The following HMCN1 variants were observed in gnomAD, a reference collection of about 807,000 sequenced individuals.
The protein encoded by HMCN1 is hemicentin-1.
HMCN1 carries 321 observed loss-of-function variants against 625.9 expected under a neutral mutation model. The observed-to-expected ratio is 0.51, with a 90% CI of 0.47 to 0.56. HMCN1 has a LOEUF of 0.56. HMCN1 is among the 20% of genes least tolerant of loss of function. The pLI, the probability that HMCN1 is intolerant of heterozygous loss-of-function variation, is 0.00. For missense variants in HMCN1, 6,588 were observed against 6,887.3 expected (o/e 0.96, Z 1.54); for synonymous variants, 2,425 against 2,417.6 (o/e 1.00, Z -0.09).
Position 186,067,969 on chromosome 1 carries a change from C to A in HMCN1, c.7841C>A (p.Thr2614Asn). 1 of 1,613,718 alleles carries A rather than the reference C, an allele frequency of 6.2e-7. No individual in the cohort carries two copies. Among genetic ancestry groups the A allele is most frequent in the Non-Finnish European group, 8.5e-7 (1 of 1,179,664 alleles). The stretch of plus-strand genomic sequence containing the variant: ...ACCATCACCTGGTTTAAGGATGGCA[C>A]TCCTTTAGAATCTAACCGAAATATT... ...PATITWFKDG[T>N]PLESNRNIRI... The change falls in exon 50 of 107, where the codon ACT becomes AAT. Residue 2614 changes from threonine (T) to asparagine (N), a missense_variant. Thr to Asn is a moderately conservative substitution (Grantham distance 65). Transcript: ENST00000271588.
chr1:185,840,024 T>A (rs1296318671), intron 1 of HMCN1, among the ~76,000 whole-genome samples: 1 of 152,180 alleles, frequency 6.6e-6, no homozygotes, highest in African/African-American at 2.4e-5. Flanking sequence ...TTACCTGTTC[T>A]AATATGAATA....
intron 86 of HMCN1, among the ~76,000 whole-genome samples, chr1:186,133,463 A>G (rs1253968081): frequency 1.3e-5 from 2 of 152,322 alleles, no homozygotes; most frequent in East Asian, 3.9e-4. Context: ...CAGAGCATCC[A>G]TAATTGGATA....
chr1:186,097,519 G>A (rs1412991482), intron 68 of HMCN1, among the ~76,000 whole-genome samples: 1 of 151,408 alleles, frequency 6.6e-6, no homozygotes, highest in Non-Finnish European at 1.5e-5. Context: ...AAAAAGATAT[G>A]TAAGAATAAA....
At chr1:185,833,667 A>G (rs544582638) in intron 1 of HMCN1, among the ~76,000 whole-genome samples, 1 of 152,282 alleles carries the variant, frequency 6.6e-6, no homozygotes, top group South Asian at 2.1e-4. Flanking sequence ...ATTAGAGACA[A>G]TATATGAATG....
chr1:185,969,879 A>G (rs984021372), intron 14 of HMCN1, among the ~76,000 whole-genome samples: 1 of 152,164 alleles, frequency 6.6e-6, no homozygotes. Context: ...CTTTGTTGAG[A>G]CATCTTCTGC....
chr1:185,822,410 C>G (rs778893262), intron 1 of HMCN1, among the ~76,000 whole-genome samples: 2 of 152,062 alleles, frequency 1.3e-5, no homozygotes, highest in Non-Finnish European at 2.9e-5. Context: ...TTTATGTTCT[C>G]CATCTTTCCA....
intron 46 of HMCN1, among the ~76,000 whole-genome samples, chr1:186,058,018 C>G (rs1315651079): frequency 1.3e-5 from 2 of 151,882 alleles, no homozygotes; most frequent in African/African-American, 4.8e-5. Context: ...ATAATCTTGC[C>G]AAGTTTTTGG....
chr1:186,053,229 G>A (rs1485133613), intron 43 of HMCN1, among the ~76,000 whole-genome samples, 155 bp downstream of exon 43: 1 of 152,062 alleles, frequency 6.6e-6, no homozygotes, highest in African/African-American at 2.4e-5. Context: ...TGTGCAACAT[G>A]TGATACTTCT....
rs751919205 is a variant in HMCN1, at chr1:186,187,997, A to T, written c.16529A>T (p.Asp5510Val). 2.1e-5 allele frequency: 34 copies of T among 1,613,704 alleles called. No individual in the cohort carries two copies. Among genetic ancestry groups the T allele is most frequent in the African/African-American group, 2.7e-5 (2 of 74,894 alleles). Residue 5510 changes from aspartate to valine, a missense_variant, in exon 106 of 107, where the codon GAT becomes GTT. Asp to Val is a radical substitution (Grantham distance 152). This residue lies in a region of HMCN1 where 1,954 missense variants were observed against 2,013.1 expected (regional missense o/e 0.97). Coordinates refer to ENST00000271588, the MANE Select transcript of HMCN1 (RefSeq NM_031935.3). ...CCCTGTCCACCCAACTACCAACGGGATCCTGTTTCAGGGTATGTCTTGCCT... is the reference window on the plus strand; with the variant it reads ...CCCTGTCCACCCAACTACCAACGGGTTCCTGTTTCAGGGTATGTCTTGCCT... ...DTPCPPNYQR[D>V]PVSGFCLKNC... is the part of the protein sequence containing the mutation.
chr1:186,068,799 G>A (rs901239273), intron 50 of HMCN1, among the ~76,000 whole-genome samples: 9 of 151,552 alleles, frequency 5.9e-5, no homozygotes, highest in Non-Finnish European at 1.3e-4. Context: ...AACCTAGGAG[G>A]CGGAGGTTGC....
chr1:185,748,332 C>T (rs1181953655), intron 1 of HMCN1, among the ~76,000 whole-genome samples: 2 of 152,018 alleles, frequency 1.3e-5, no homozygotes, highest in Non-Finnish European at 2.9e-5. Context: ...TACACTTTTG[C>T]CTTGAAGTTG....
intron 1 of HMCN1, among the ~76,000 whole-genome samples, chr1:185,758,111 G>A (rs912882508): frequency 5.3e-5 from 8 of 152,144 alleles, no homozygotes; most frequent in Non-Finnish European, 8.8e-5. Flanking sequence ...CTTGGCAATC[G>A]TGTCATTTGG....
Position 186,039,731 on chromosome 1 carries a change from C to A in HMCN1, c.6032C>A (p.Ala2011Asp), listed in dbSNP as rs755419853. ...ELFYSLQVHV[A>D]PSISGSNNMV... ...TACTTTCATTTGTTTTTTTCAGTGG[C>A]CCCATCAATTTCTGGCAGCAATAAC... Residue 2011 changes from alanine (A) to aspartate (D), a missense_variant, in exon 39 of 107, where the codon GCC becomes GAC. This residue lies in a region of HMCN1 where 4,628 missense variants were observed against 4,853.1 expected (regional missense o/e 0.95). Transcript: ENST00000271588. 2 of 1,613,148 alleles carry A rather than the reference C, an allele frequency of 1.2e-6. No individual in the cohort carries two copies. Among genetic ancestry groups the A allele is most frequent in the Admixed American group, 3.3e-5 (2 of 59,934 alleles).
intron 1 of HMCN1, among the ~76,000 whole-genome samples, chr1:185,770,546 A>G (rs1026420931): frequency 1.3e-5 from 2 of 152,320 alleles, no homozygotes; most frequent in Non-Finnish European, 2.9e-5. Context: ...CAGTATCTCC[A>G]TCTTAGACTA....
chr1:185,759,180 C>T (rs1299611750), intron 1 of HMCN1, among the ~76,000 whole-genome samples: 1 of 152,180 alleles, frequency 6.6e-6, no homozygotes, highest in Non-Finnish European at 1.5e-5. Flanking sequence ...TGTTGTCCTT[C>T]TCCTATTTCC....
rs1653638953 is a variant in HMCN1 at position 186,190,267 on chromosome 1, T to TGACTA, written c.*390_*394dup. ...GAATCAAATAGAGTTTTTGAGCATT[T>TGACTA]GACTATTTTTAGAATCATAAAATTA... On this transcript the variant is annotated 3_prime_UTR_variant, in exon 107 of 107. Transcript: ENST00000271588. 4.4e-6 allele frequency: 1 copy of TGACTA among 226,560 alleles called. No individual in the cohort carries two copies. The highest frequency in any genetic ancestry group is 8.8e-6 in the Non-Finnish European group (1 of 113,248). 14.0% of individuals were successfully genotyped at this position (226,560 alleles called of 1,614,324 possible).
At chr1:185,918,254 G>A (rs1386449864) in intron 6 of HMCN1, among the ~76,000 whole-genome samples, 1 of 152,112 alleles carries the variant, frequency 6.6e-6, no homozygotes, top group Non-Finnish European at 1.5e-5. Context: ...GAGAGCCCCT[G>A]GCAAAGCACT....
At chr1:185,989,839 A>G (rs1001139371) in intron 21 of HMCN1, among the ~76,000 whole-genome samples, 192 bp downstream of exon 21, 9 of 142,688 alleles carry the variant, frequency 6.3e-5, no homozygotes, top group Admixed American at 2.2e-4. Flanking sequence ...TTCTACTTAG[A>G]TTCTGATTTT....
chr1:186,146,178 G>T (rs1332244260), intron 93 of HMCN1, among the ~76,000 whole-genome samples: 1 of 152,162 alleles, frequency 6.6e-6, no homozygotes, highest in Non-Finnish European at 1.5e-5. Flanking sequence ...GAGGCAGAGT[G>T]GGGAAAAATG....
Sources: allele counts gnomAD v4.1 joint callset (sites outside exome capture counted in the v4.1 genomes callset), GRCh38; gene constraint gnomAD v4.1.1; regional missense constraint gnomAD v4.1.1; transcripts MANE v1.5; gene names NCBI Gene and HGNC (gene_info 2026-07-23, HGNC 2026-07-21).